Variants in NTN1 observed in about 807,000 individuals in gnomAD.
NTN1 encodes the protein netrin 1.
A neutral mutation model predicts 54.2 loss-of-function variants in NTN1; 11 were observed. That is an observed-to-expected ratio of 0.20 (90% CI 0.13 to 0.34). The LOEUF (loss-of-function observed/expected upper bound fraction) is 0.34, where lower values mean the gene tolerates loss of function less well. Ranked by LOEUF, NTN1 falls within the 10% of genes least tolerant of loss-of-function variation. The pLI, the probability that NTN1 is intolerant of heterozygous loss-of-function variation, is 1.00. For missense variants in NTN1, 740 were observed against 893.1 expected (o/e 0.83, Z 2.18); for synonymous variants, 371 against 382.0 (o/e 0.97, Z 0.33).
At chr17:9,079,634 C>A (rs2142222963) in intron 2 of NTN1, among the ~76,000 whole-genome samples, 1 of 152,002 alleles carries the variant, frequency 6.6e-6, no homozygotes, top group East Asian at 1.9e-4. Flanking sequence ...GGTTCCCCAG[C>A]AGGCCTGTTT....
chr17:9,087,513 A>G (rs917809177), intron 2 of NTN1, among the ~76,000 whole-genome samples: 8 of 152,214 alleles, frequency 5.3e-5, no homozygotes, highest in African/African-American at 1.7e-4. Context: ...CTGTAGGAAG[A>G]TCACTCTGGT....
intron 2 of NTN1, among the ~76,000 whole-genome samples, chr17:9,102,579 C>T (rs892082891): frequency 1.3e-5 from 2 of 152,186 alleles, no homozygotes; most frequent in Non-Finnish European, 2.9e-5. Context: ...TCTACTAAAG[C>T]TGACATGTGC....
At chr17:9,119,529 G>A (rs908641300) in intron 2 of NTN1, among the ~76,000 whole-genome samples, 5 of 151,466 alleles carry the variant, frequency 3.3e-5, no homozygotes, top group African/African-American at 1.2e-4. Context: ...TAGAAACAAG[G>A]TCTCTGTCAC....
intron 2 of NTN1, 92 bp from the exon 3 acceptor site, chr17:9,162,721 G>A: frequency 8.4e-7 from 1 of 1,193,414 alleles, no homozygotes; most frequent in Non-Finnish European, 1.2e-6. Context: ...GGAGAAGGGA[G>A]GAGTTGAGGG....
chr17:9,089,398 G>A (rs2092101287), intron 2 of NTN1, among the ~76,000 whole-genome samples: 1 of 135,854 alleles, frequency 7.4e-6, no homozygotes, highest in Admixed American at 7.9e-5. Flanking sequence ...CTGGGCGGCA[G>A]AGCAAGATTC....
At position 9,229,080 on chromosome 17, in the gene NTN1, CTGTGTGTGTGACTGAGACTGTGACTG is replaced by C. The variant is rs1171808990; in HGVS notation, c.1486+7841_1486+7866del. 2.1e-4 allele frequency among the ~76,000 whole-genome samples: 32 copies of C among 149,684 alleles called. 1 individual carries two copies. Among genetic ancestry groups the C allele is most frequent in the Admixed American group, 8.6e-4 (13 of 15,050 alleles). On this transcript the variant is annotated intron_variant, in intron 6 of 6. Transcript: ENST00000173229. The stretch of plus-strand genomic sequence containing the variant: ...TATGCGTGTGTGATTGTGTTTGTGA[CTGTGTGTGTGACTGAGACTGTGACTG>C]TGAGTGTGTGACTGTGTTACTGTGA...
At chr17:9,224,896 C>T (rs1905483473) in intron 6 of NTN1, among the ~76,000 whole-genome samples, 1 of 152,158 alleles carries the variant, frequency 6.6e-6, no homozygotes, top group South Asian at 2.1e-4. Context: ...CACTCCAAGC[C>T]TGTGACTCCA....
chr17:9,128,957 G>A (rs12938040), intron 2 of NTN1, among the ~76,000 whole-genome samples: 5,418 of 152,268 alleles, frequency 0.036, 154 homozygotes, highest in Admixed American at 0.088. Flanking sequence ...GGGGCCTGCA[G>A]CTCTTTCCCC....
chr17:9,196,435 G>A (rs1224092450), intron 5 of NTN1, among the ~76,000 whole-genome samples: 1 of 152,226 alleles, frequency 6.6e-6, no homozygotes, highest in Non-Finnish European at 1.5e-5. Flanking sequence ...TGTGGCTGTC[G>A]TGATTATGCT....
upstream of NTN1, among the ~76,000 whole-genome samples, chr17:9,018,943 A>G (rs1219364558): frequency 6.6e-6 from 1 of 152,204 alleles, no homozygotes; most frequent in Non-Finnish European, 1.5e-5. Flanking sequence ...CCACGCCCCC[A>G]CAAGAAATTC....
intron 2 of NTN1, among the ~76,000 whole-genome samples, chr17:9,101,962 C>T (rs576067964): frequency 1.5e-4 from 23 of 152,280 alleles, no homozygotes; most frequent in Admixed American, 1.2e-3. Flanking sequence ...CATCACTGCA[C>T]GCCAGCCTGG....
chr17:9,156,830 T>C (rs1012242235), intron 2 of NTN1, among the ~76,000 whole-genome samples: 1 of 152,182 alleles, frequency 6.6e-6, no homozygotes, highest in Admixed American at 6.5e-5. Flanking sequence ...AAATCCTCTA[T>C]CTGCCCTACC....
At chr17:9,183,711 C>A (rs903071327) in intron 5 of NTN1, 1 of 183,608 alleles carries the variant, frequency 5.4e-6, no homozygotes, top group Admixed American at 5.5e-5. Flanking sequence ...ATTTGGGCAG[C>A]AGCATTTCAG....
intron 5 of NTN1, among the ~76,000 whole-genome samples, chr17:9,192,610 G>T (rs1015764806): frequency 1.3e-5 from 2 of 152,188 alleles, no homozygotes; most frequent in Non-Finnish European, 2.9e-5. Flanking sequence ...ACGCAACAGA[G>T]AAGTACCTGG....
chr17:9,070,258 T>G (rs2142214646), intron 2 of NTN1, among the ~76,000 whole-genome samples: 1 of 152,322 alleles, frequency 6.6e-6, no homozygotes, highest in South Asian at 2.1e-4. Flanking sequence ...CTTAGAACAG[T>G]GTTTGGTTCA....
At chr17:9,183,504 G>A (rs150571746) in intron 5 of NTN1, 3 of 361,130 alleles carry the variant, frequency 8.3e-6, no homozygotes, top group East Asian at 7.9e-5. Flanking sequence ...AGCCTGCACC[G>A]TGGTCACTGG....
rs116102626 is a variant in NTN1, at chr17:9,063,014, T to C, written c.1018+39623T>C. 7.1e-3 allele frequency among the ~76,000 whole-genome samples: 1,076 copies of C among 152,314 alleles called. 22 individuals are homozygous for C. Among genetic ancestry groups the C allele is most frequent in the African/African-American group, 0.024 (1,017 of 41,566 alleles). On this transcript the variant is annotated intron_variant, in intron 2 of 6. Coordinates refer to ENST00000173229, the MANE Select transcript of NTN1 (RefSeq NM_004822.3). ...CCACTGAGAAATCCTGTCCCAGAGATGAGACTATCTTTTCTTTTTCTTTTT... is the reference window on the plus strand; with the variant it reads ...CCACTGAGAAATCCTGTCCCAGAGACGAGACTATCTTTTCTTTTTCTTTTT...
chr17:9,224,603 T>A (rs1025891120), intron 6 of NTN1, among the ~76,000 whole-genome samples: 1 of 152,214 alleles, frequency 6.6e-6, no homozygotes, highest in Non-Finnish European at 1.5e-5. Context: ...CTCCCGCCCC[T>A]TCCACAGCAG....
upstream of NTN1, among the ~76,000 whole-genome samples, chr17:9,021,041 C>G (rs759127337): frequency 3.9e-5 from 6 of 152,226 alleles, no homozygotes; most frequent in African/African-American, 2.4e-5. Flanking sequence ...CGCGGTGCCA[C>G]CGGGGGCCAT....
Sources: gnomAD v4.1 joint callset for allele counts (sites outside exome capture counted in the v4.1 genomes callset) on GRCh38, gnomAD v4.1.1 for gene constraint, MANE v1.5 for transcripts, NCBI Gene and HGNC (gene_info 2026-07-23, HGNC 2026-07-21) for gene names.